IGSF11: variants seen among roughly 807,000 people sequenced by gnomAD.
The protein encoded by IGSF11 is immunoglobulin superfamily member 11, also known as CXADR like 1.
IGSF11 carries 22 observed loss-of-function variants against 41.0 expected under a neutral mutation model. That is an observed-to-expected ratio of 0.54 (90% CI 0.38 to 0.77). IGSF11 has a LOEUF of 0.77. Ranked by LOEUF, IGSF11 falls within the 30% of genes least tolerant of loss-of-function variation. The pLI is 0.00. For synonymous variants in IGSF11, 219 were observed against 201.3 expected (o/e 1.09, Z -0.74); for missense variants, 444 against 530.8 (o/e 0.84, Z 1.61).
intron 1 of IGSF11, among the ~76,000 whole-genome samples, chr3:119,004,450 G>A (rs1454890861): frequency 6.6e-6 from 1 of 151,452 alleles, no homozygotes; most frequent in Non-Finnish European, 1.5e-5. Flanking sequence ...GGTTTTGTGT[G>A]TCACTATTTC....
intron 1 of IGSF11, among the ~76,000 whole-genome samples, chr3:119,010,562 A>G (rs2107692668): frequency 6.6e-6 from 1 of 152,262 alleles, no homozygotes; most frequent in South Asian, 2.1e-4. Context: ...AGGAAGGGTG[A>G]ATTAAACTCT....
Position 118,902,776 on chromosome 3 carries a change from A to T in IGSF11, c.1040T>A (p.Phe347Tyr), listed in dbSNP as rs1416562846. The T allele has an allele frequency of 1.9e-6, 3 of 1,614,198 alleles. No homozygotes were observed. The Admixed American group carries it at 5.0e-5, about 27-fold the overall frequency. The change falls in exon 7 of 7, where the codon TTC (phenylalanine) becomes TAC (tyrosine). Residue 347 changes from phenylalanine (F) to tyrosine (Y), a missense_variant. Around this residue, in one of 3 missense-constraint regions of IGSF11, gnomAD observed 223 missense variants for 226.2 expected, o/e 0.99. Transcript: ENST00000393775. ...HFSDLGQSFSFHSGNANIPSI... is the reference protein window; with the variant it reads ...HFSDLGQSFSYHSGNANIPSI... The stretch of plus-strand genomic sequence containing the variant: ...TGGTATGTTGGCATTGCCTGAGTGG[A>T]AAGAGAAAGATTGGCCCAAGTCACT...
chr3:118,967,041 C>T (rs190640792), intron 1 of IGSF11, among the ~76,000 whole-genome samples: 1 of 152,024 alleles, frequency 6.6e-6, no homozygotes, highest in Admixed American at 6.6e-5. Flanking sequence ...CCAAAGTAAA[C>T]TCAGAATTTT....
intron 1 of IGSF11, among the ~76,000 whole-genome samples, chr3:118,978,289 C>T (rs550330739): frequency 7.9e-5 from 12 of 152,278 alleles, no homozygotes; most frequent in African/African-American, 2.9e-4. Context: ...ACCTGCAGGT[C>T]TTCAGCCCAC....
intron 4 of IGSF11, among the ~76,000 whole-genome samples, chr3:118,910,758 A>G (rs916420898): frequency 3.9e-5 from 6 of 152,244 alleles, no homozygotes; most frequent in African/African-American, 1.4e-4. Context: ...TCTCACTAAA[A>G]ATGTCAAACT....
chr3:118,983,692 G>A (rs1934969048), intron 1 of IGSF11, among the ~76,000 whole-genome samples: 1 of 151,994 alleles, frequency 6.6e-6, no homozygotes, highest in African/African-American at 2.4e-5. Flanking sequence ...ACTAGCCTAG[G>A]GTATTACACA....
chr3:118,911,713 A>G (rs1940326464), intron 4 of IGSF11, among the ~76,000 whole-genome samples: 1 of 151,800 alleles, frequency 6.6e-6, no homozygotes, highest in African/African-American at 2.4e-5. Context: ...GAGAGAGGAG[A>G]GGAGACACAG....
chr3:119,132,246 C>T (rs1038925451), intron 1 of IGSF11, among the ~76,000 whole-genome samples: 4 of 151,978 alleles, frequency 2.6e-5, no homozygotes, highest in Middle Eastern at 3.4e-3. Flanking sequence ...AATTAAAAGA[C>T]ACAGACTGGC....
chr3:119,089,685 T>C (rs1400154409), intron 1 of IGSF11, among the ~76,000 whole-genome samples: 1 of 152,188 alleles, frequency 6.6e-6, no homozygotes, highest in African/African-American at 2.4e-5. Flanking sequence ...CACTGAAGAC[T>C]ACCAAAAGGC....
At chr3:118,946,611 A>G (rs1256879178) in intron 1 of IGSF11, among the ~76,000 whole-genome samples, 1 of 152,190 alleles carries the variant, frequency 6.6e-6, no homozygotes, top group Non-Finnish European at 1.5e-5. Flanking sequence ...TTTGTGTCCA[A>G]TGTATGTCAT....
intron 1 of IGSF11, among the ~76,000 whole-genome samples, chr3:119,139,375 T>A (rs555181385): frequency 6.6e-6 from 1 of 152,290 alleles, no homozygotes; most frequent in Admixed American, 6.5e-5. Flanking sequence ...TTTGGTTGTG[T>A]CCCCACTCAA....
chr3:118,927,289 T>C (rs1942410220), intron 3 of IGSF11, among the ~76,000 whole-genome samples: 1 of 152,192 alleles, frequency 6.6e-6, no homozygotes, highest in Non-Finnish European at 1.5e-5. Context: ...AAGGGCTTTT[T>C]ATCTTCTTTT....
intron 1 of IGSF11, among the ~76,000 whole-genome samples, chr3:119,064,258 A>G (rs979015512): frequency 3.3e-5 from 5 of 152,232 alleles, no homozygotes; most frequent in Non-Finnish European, 7.3e-5. Flanking sequence ...TGAGGTAGGA[A>G]TAGCCAAAAT....
At chr3:119,143,719 CT>C (rs2077679426) in intron 1 of IGSF11, among the ~76,000 whole-genome samples, 1 of 152,176 alleles carries the variant, frequency 6.6e-6, no homozygotes, top group Non-Finnish European at 1.5e-5. Context: ...GTGTAAGATT[CT>C]TTTTAGTTTC....
At chr3:119,044,298 T>C (rs1941233277) in intron 1 of IGSF11, among the ~76,000 whole-genome samples, 2 of 151,912 alleles carry the variant, frequency 1.3e-5, no homozygotes, top group African/African-American at 2.4e-5. Context: ...ATCGAACAAG[T>C]AGAAGAAAGA....
intron 1 of IGSF11, among the ~76,000 whole-genome samples, chr3:118,948,881 A>G (rs1944360123): frequency 6.6e-6 from 1 of 151,626 alleles, no homozygotes; most frequent in South Asian, 2.1e-4. Flanking sequence ...CTCAGGCAGG[A>G]GAATGGCGTG....
intron 1 of IGSF11, among the ~76,000 whole-genome samples, chr3:119,094,025 G>A (rs1472341299): frequency 1.3e-5 from 2 of 151,604 alleles, no homozygotes; most frequent in Admixed American, 1.3e-4. Flanking sequence ...AGACATTTTC[G>A]TAAAGGTGCA....
rs536060256 is a variant in IGSF11, at chr3:119,010,621, C to A, written c.52+23910G>T. Among the ~76,000 whole-genome samples the A allele has an allele frequency of 2.8e-4, 43 of 152,270 alleles. No individual in the cohort carries two copies. In the South Asian group the frequency reaches 8.7e-3, roughly 31 times the overall value. On this transcript the variant is annotated intron_variant, in intron 1 of 6. Transcript: ENST00000393775. Reference sequence around the variant, plus strand: ...TTTCTTGCCCTCAGACATAAACTCCCAATTCTCAATCCTCCAGGCCCACTG... The same window carrying A: ...TTTCTTGCCCTCAGACATAAACTCCAAATTCTCAATCCTCCAGGCCCACTG...
intron 1 of IGSF11, among the ~76,000 whole-genome samples, chr3:119,074,152 A>G (rs1295241045): frequency 6.6e-6 from 1 of 152,220 alleles, no homozygotes; most frequent in Non-Finnish European, 1.5e-5. Context: ...AAACTTGACA[A>G]TTGACCAAAT....
Sources: gnomAD v4.1 joint callset for allele counts (sites outside exome capture counted in the v4.1 genomes callset) on GRCh38, gnomAD v4.1.1 for gene constraint, gnomAD v4.1.1 regional missense constraint, MANE v1.5 for transcripts, NCBI Gene and HGNC (gene_info 2026-07-23, HGNC 2026-07-21) for gene names.